Variants in DYM observed in about 807,000 individuals in gnomAD.
The protein encoded by DYM is dymeclin.
DYM carries 78 observed loss-of-function variants against 93.1 expected under a neutral mutation model. That is an observed-to-expected ratio of 0.84 (90% CI 0.70 to 1.01). The LOEUF (loss-of-function observed/expected upper bound fraction) is 1.01. Among genes scored for constraint, DYM ranks in the 50% least tolerant of loss-of-function variants. The probability of loss-of-function intolerance (pLI) is 0.00; values close to 1 mark genes in which losing one functional copy is unlikely to be tolerated. For missense variants in DYM, 789 were observed against 845.0 expected (o/e 0.93, Z 0.82); for synonymous variants, 321 against 319.7 (o/e 1.00, Z -0.04).
chr18:49,365,105 T>C (rs2066401399), intron 5 of DYM, among the ~76,000 whole-genome samples: 1 of 151,956 alleles, frequency 6.6e-6, no homozygotes, highest in Admixed American at 6.6e-5. Flanking sequence ...AGCCCAAGCA[T>C]CTCAGAAAAA....
At chr18:49,435,226 AAAG>A (rs2080732624) in intron 1 of DYM, among the ~76,000 whole-genome samples, 1 of 150,604 alleles carries the variant, frequency 6.6e-6, no homozygotes, top group Non-Finnish European at 1.5e-5. Flanking sequence ...AAAAAAAAAA[AAAG>A]AAGTGAAATG....
intron 13 of DYM, 95 bp downstream of exon 13, chr18:49,256,915 C>T (rs1201387538): frequency 4.9e-6 from 5 of 1,027,894 alleles, no homozygotes; most frequent in Non-Finnish European, 7.5e-6. Context: ...ATTTGATAGT[C>T]CTCACAGGTA....
At chr18:49,173,096 C>A (rs1220074002) in intron 14 of DYM, among the ~76,000 whole-genome samples, 1 of 151,802 alleles carries the variant, frequency 6.6e-6, no homozygotes, top group Non-Finnish European at 1.5e-5. Flanking sequence ...CCTTAAATTA[C>A]CTTGGCACCC....
intron 16 of DYM, among the ~76,000 whole-genome samples, chr18:49,105,039 T>C (rs1188478622): frequency 1.3e-5 from 2 of 152,264 alleles, no homozygotes; most frequent in Non-Finnish European, 2.9e-5. Context: ...CATCTGGTCC[T>C]GGACTTTTTT....
intron 14 of DYM, among the ~76,000 whole-genome samples, chr18:49,203,068 G>A (rs1324352748): frequency 2.0e-4 from 2 of 9,794 alleles, no homozygotes; most frequent in Admixed American, 1.0e-3. Flanking sequence ...TCAGCCCTCC[G>A]CCCGGCCAGC....
chr18:49,165,581 A>G (rs991856756), intron 14 of DYM, among the ~76,000 whole-genome samples: 8 of 152,174 alleles, frequency 5.3e-5, no homozygotes, highest in African/African-American at 1.7e-4. Context: ...TTCAACTCAT[A>G]TCATCAAGGA....
At position 49,453,089 on chromosome 18, in the gene DYM, C is replaced by A. The variant is rs373730175; in HGVS notation, c.-54+7309G>T. Among the ~76,000 whole-genome samples the A allele has an allele frequency of 5.7e-4, 77 of 134,324 alleles. 17 individuals are homozygous for A. The South Asian group carries it at 0.019, about 33-fold the overall frequency. The allele number at this position is 134,324 out of a possible 152,430, so 88.1% of individuals were successfully genotyped here. ...AGGTTTGTAAATGTACCAATCCACACCCTGTGTCTAGCTCAAGGTTTGTAA... is the reference window on the plus strand; with the variant it reads ...AGGTTTGTAAATGTACCAATCCACAACCTGTGTCTAGCTCAAGGTTTGTAA... On this transcript the variant is annotated intron_variant, in intron 1 of 17. Coordinates refer to ENST00000675505, the MANE Select transcript of DYM (RefSeq NM_001353214.3).
intron 6 of DYM, among the ~76,000 whole-genome samples, chr18:49,343,822 T>G (rs1037244451): frequency 6.6e-6 from 1 of 152,046 alleles, no homozygotes; most frequent in Non-Finnish European, 1.5e-5. Context: ...GCAGAAAAAT[T>G]TATGCCTGGG....
At chr18:49,092,098 A>G (rs1417835981) in intron 17 of DYM, among the ~76,000 whole-genome samples, 1 of 152,194 alleles carries the variant, frequency 6.6e-6, no homozygotes, top group East Asian at 1.9e-4. Context: ...AAATGTGTGA[A>G]TTGTATCATG....
At chr18:49,312,503 C>A (rs981378025) in intron 8 of DYM, among the ~76,000 whole-genome samples, 2 of 152,180 alleles carry the variant, frequency 1.3e-5, no homozygotes, top group African/African-American at 2.4e-5. Flanking sequence ...ATAAGAGACC[C>A]TGGACCCAGC....
At chr18:49,274,153 C>T (rs1254867161) in intron 10 of DYM, among the ~76,000 whole-genome samples, 1 of 151,996 alleles carries the variant, frequency 6.6e-6, no homozygotes, top group African/African-American at 2.4e-5. Flanking sequence ...CTTTAACTAT[C>T]ACCTCCCCCA....
chr18:49,164,414 G>C (rs1200243833), intron 14 of DYM, among the ~76,000 whole-genome samples: 1 of 152,108 alleles, frequency 6.6e-6, no homozygotes, highest in African/African-American at 2.4e-5. Context: ...CCTAACAAAA[G>C]GGAGATGAAG....
intron 8 of DYM, among the ~76,000 whole-genome samples, chr18:49,296,885 A>G (rs148893069): frequency 1.6e-4 from 25 of 152,310 alleles, no homozygotes; most frequent in African/African-American, 6.0e-4. Flanking sequence ...GACTTGGATT[A>G]TACTTATGTG....
intron 13 of DYM, among the ~76,000 whole-genome samples, chr18:49,248,045 G>A (rs2094207644): frequency 6.6e-6 from 1 of 152,186 alleles, no homozygotes; most frequent in African/African-American, 2.4e-5. Context: ...AAGGAATGAA[G>A]AAACTGGAAC....
At chr18:49,097,217 C>T in intron 17 of DYM, 185 bp downstream of exon 17, 1 of 635,774 alleles carries the variant, frequency 1.6e-6, no homozygotes, top group Middle Eastern at 4.1e-4. Context: ...GTAGGATATG[C>T]AGTGGCATGA....
chr18:49,259,958 T>C (rs2145215617), intron 11 of DYM, among the ~76,000 whole-genome samples: 1 of 152,126 alleles, frequency 6.6e-6, no homozygotes, highest in African/African-American at 2.4e-5. Context: ...GACCTCTAAT[T>C]AAAGAGAGAG....
chr18:49,050,203 C>T (rs561854540), intron 17 of DYM, among the ~76,000 whole-genome samples: 1 of 151,508 alleles, frequency 6.6e-6, no homozygotes, highest in East Asian at 2.0e-4. Flanking sequence ...TGTCCTGCCT[C>T]GGCCTCCCTA....
At chr18:49,370,638 C>T (rs550099831) in intron 5 of DYM, among the ~76,000 whole-genome samples, 28 of 152,010 alleles carry the variant, frequency 1.8e-4, no homozygotes, top group African/African-American at 6.3e-4. Context: ...TGGTGGCATG[C>T]GCCTGTGATT....
rs965283722 is a variant in DYM, at chr18:49,453,881, G to A, written c.-54+6517C>T. ...GTCATGAAGGGATTGATAACTGCAGGAAAGATCTAGCCAAGGTTAACACTA... is the reference window on the plus strand; with the variant it reads ...GTCATGAAGGGATTGATAACTGCAGAAAAGATCTAGCCAAGGTTAACACTA... On this transcript the variant is annotated intron_variant, in intron 1 of 17. Coordinates refer to ENST00000675505, the MANE Select transcript of DYM (RefSeq NM_001353214.3). Among the ~76,000 whole-genome samples, 8 of 152,284 alleles carry A rather than the reference G, an allele frequency of 5.3e-5. No homozygotes were observed. The East Asian group carries it at 7.7e-4, about 15-fold the overall frequency.
Sources: gnomAD v4.1 joint callset for allele counts (sites outside exome capture counted in the v4.1 genomes callset) on GRCh38, gnomAD v4.1.1 for gene constraint, MANE v1.5 for transcripts, NCBI Gene and HGNC (gene_info 2026-07-23, HGNC 2026-07-21) for gene names.